Variants in ANKS1B observed in about 807,000 individuals in gnomAD.
ANKS1B encodes the protein ankyrin repeat and sterile alpha motif domain containing 1B.
A neutral mutation model predicts 148.3 loss-of-function variants in ANKS1B; 36 were observed. The ratio of observed to expected loss-of-function variants is 0.24; its 90% CI spans 0.19 to 0.32. The LOEUF (loss-of-function observed/expected upper bound fraction) is 0.32, where lower values mean the gene tolerates loss of function less well. Among genes scored for constraint, ANKS1B ranks in the 10% least tolerant of loss-of-function variants. The probability of loss-of-function intolerance (pLI) is 1.00; values close to 1 mark genes in which losing one functional copy is unlikely to be tolerated. For synonymous variants in ANKS1B, 542 were observed against 560.8 expected, an observed-to-expected ratio of 0.97 and a Z score of 0.47; for missense variants, 1,157 against 1,542.6, an observed-to-expected ratio of 0.75 and a Z score of 4.19.
At chr12:99,754,088 T>C (rs1372552850) in intron 8 of ANKS1B, among the ~76,000 whole-genome samples, 3 of 151,856 alleles carry the variant, frequency 2.0e-5, no homozygotes, top group African/African-American at 7.3e-5. Context: ...CAAGATCCAT[T>C]GGTATGCTGT....
intron 1 of ANKS1B, among the ~76,000 whole-genome samples, chr12:99,975,542 G>A (rs1174409407): frequency 6.6e-6 from 1 of 152,156 alleles, no homozygotes; most frequent in African/African-American, 2.4e-5. Flanking sequence ...ATCTCTCACT[G>A]TGGTTTTGAT....
rs1601835877 is a variant in ANKS1B at position 99,225,212 on chromosome 12, T to G, written c.2419+19130A>C. Among the ~76,000 whole-genome samples, 3 of 152,256 alleles carry G rather than the reference T, an allele frequency of 2.0e-5. No individual in the cohort carries two copies. In the South Asian group the frequency reaches 6.2e-4, roughly 32 times the overall value. On this transcript the variant is annotated intron_variant, in intron 14 of 26. Transcript: ENST00000683438. ...TTACAGCTATATAGTTTTTATAAAA[T>G]GACCCATGGGGAAAATTCTTTCTAG... is the stretch of plus-strand genomic sequence containing the variant.
intron 9 of ANKS1B, among the ~76,000 whole-genome samples, chr12:99,620,354 C>T (rs768169594): frequency 3.3e-5 from 5 of 152,184 alleles, no homozygotes; most frequent in African/African-American, 1.2e-4. Context: ...CAAAGGATCA[C>T]ACTAGCTCTC....
chr12:98,879,236 T>C (rs146163333), intron 17 of ANKS1B, among the ~76,000 whole-genome samples: 80 of 152,354 alleles, frequency 5.3e-4, no homozygotes, highest in African/African-American at 1.9e-3. Context: ...CCAGCATTAA[T>C]TGAGCACCTA....
At chr12:98,894,829 C>T in intron 17 of ANKS1B, 18 of 982,556 alleles carry the variant, frequency 1.8e-5, no homozygotes, top group Non-Finnish European at 2.1e-5. Context: ...GGAGCTTGGC[C>T]GCGCCGCGCT....
chr12:99,944,894 T>C lies in ANKS1B; in HGVS notation c.134+39210A>G, dbSNP rs79394764. 1.1e-3 allele frequency among the ~76,000 whole-genome samples: 169 copies of C among 152,206 alleles called. 7 individuals carry two copies. In the East Asian group the frequency reaches 0.029, roughly 26 times the overall value. On this transcript the variant is annotated intron_variant, in intron 1 of 26. Coordinates refer to ENST00000683438, the MANE Select transcript of ANKS1B (RefSeq NM_001352186.2). ...AAGAAGCTGGCCTTTAAGCTGACTTTGGAGAATGTGTAAGATTTAGACATG... is the reference window on the plus strand; with the variant it reads ...AAGAAGCTGGCCTTTAAGCTGACTTCGGAGAATGTGTAAGATTTAGACATG...
chr12:99,162,767 T>G (rs1035619813), intron 14 of ANKS1B, among the ~76,000 whole-genome samples: 1 of 152,170 alleles, frequency 6.6e-6, no homozygotes, highest in African/African-American at 2.4e-5. Context: ...TAACATCTTA[T>G]AAAAATTCTA....
At chr12:98,761,826 G>A (rs1375180614) in intron 25 of ANKS1B, among the ~76,000 whole-genome samples, 1 of 152,192 alleles carries the variant, frequency 6.6e-6, no homozygotes, top group Non-Finnish European at 1.5e-5. Context: ...AGGAATCTGA[G>A]GAGGAGGCCA....
intron 4 of ANKS1B, among the ~76,000 whole-genome samples, chr12:99,790,312 G>A (rs1006379455): frequency 3.9e-5 from 6 of 152,014 alleles, no homozygotes; most frequent in Non-Finnish European, 5.9e-5. Context: ...CTTCCCATAC[G>A]AGCAAAATCT....
chr12:99,210,893 T>C (rs902379279), intron 14 of ANKS1B, among the ~76,000 whole-genome samples: 58 of 152,206 alleles, frequency 3.8e-4, no homozygotes, highest in African/African-American at 1.4e-3. Flanking sequence ...GTATACTGCA[T>C]TCCCTCAAAA....
chr12:99,454,911 C>T (rs1162118553), intron 10 of ANKS1B, among the ~76,000 whole-genome samples: 1 of 152,126 alleles, frequency 6.6e-6, no homozygotes, highest in African/African-American at 2.4e-5. Flanking sequence ...CCTCCCAATG[C>T]TTACTTTTAT....
At chr12:98,740,825 A>G (rs77955460), downstream of ANKS1B, among the ~76,000 whole-genome samples, 969 of 152,280 alleles carry the variant, frequency 6.4e-3, 11 homozygotes, top group African/African-American at 0.022. Flanking sequence ...CTTCCAGGAA[A>G]GCTCTTAAAA....
At chr12:99,371,561 T>C (rs552732347) in intron 12 of ANKS1B, among the ~76,000 whole-genome samples, 2 of 151,240 alleles carry the variant, frequency 1.3e-5, no homozygotes, top group Non-Finnish European at 2.9e-5. Context: ...TATACACATG[T>C]GCACACACAC....
intron 1 of ANKS1B, among the ~76,000 whole-genome samples, chr12:99,959,581 T>C (rs2095379338): frequency 6.6e-6 from 1 of 152,218 alleles, no homozygotes; most frequent in Non-Finnish European, 1.5e-5. Flanking sequence ...ATTTGTCTAT[T>C]ACTTTGCTTA....
At chr12:98,775,901 A>G (rs1202807664) in intron 24 of ANKS1B, among the ~76,000 whole-genome samples, 1 of 152,234 alleles carries the variant, frequency 6.6e-6, no homozygotes, top group Non-Finnish European at 1.5e-5. Flanking sequence ...TCTAAGCTAT[A>G]AGGAAAGCTC....
chr12:99,576,049 A>G (rs761279788), intron 9 of ANKS1B, among the ~76,000 whole-genome samples: 6 of 152,122 alleles, frequency 3.9e-5, no homozygotes, highest in Non-Finnish European at 8.8e-5. Flanking sequence ...AAAGGGACGG[A>G]GAAATATCTA....
At chr12:99,510,753 G>A (rs1457755185) in intron 9 of ANKS1B, among the ~76,000 whole-genome samples, 1 of 152,028 alleles carries the variant, frequency 6.6e-6, no homozygotes, top group East Asian at 1.9e-4. Context: ...AAGTTCTAGT[G>A]TGAGTAAAAT....
At chr12:99,798,433 A>AC (rs1567868231) in intron 4 of ANKS1B, among the ~76,000 whole-genome samples, 5 of 145,022 alleles carry the variant, frequency 3.4e-5, no homozygotes, top group African/African-American at 1.3e-4. Context: ...TAAAAAAAAA[A>AC]AAAAAAAAAA....
intron 8 of ANKS1B, among the ~76,000 whole-genome samples, chr12:99,660,090 T>C (rs1034105820): frequency 2.0e-5 from 3 of 152,240 alleles, no homozygotes; most frequent in Admixed American, 1.3e-4. Flanking sequence ...ACACGCCTTT[T>C]TGCCTTTGTT....
Sources: gnomAD v4.1 joint callset for allele counts (sites outside exome capture counted in the v4.1 genomes callset) on GRCh38, gnomAD v4.1.1 for gene constraint, MANE v1.5 for transcripts, NCBI Gene and HGNC (gene_info 2026-07-23, HGNC 2026-07-21) for gene names.